The following CEP63 variants were observed in gnomAD, a reference collection of about 807,000 sequenced individuals.
The protein encoded by CEP63 is centrosomal protein 63.
In CEP63, 84 loss-of-function variants were observed where a neutral mutation model predicts 89.1. That is an observed-to-expected ratio of 0.94 (90% CI 0.79 to 1.13). The LOEUF is 1.13. Among genes scored for constraint, CEP63 ranks in the 50% most tolerant of loss-of-function variants. CEP63 has a pLI of 0.00. For missense variants in CEP63, 838 were observed against 813.3 expected, an observed-to-expected ratio of 1.03 and a Z score of -0.37; for synonymous variants, 267 against 272.5, an observed-to-expected ratio of 0.98 and a Z score of 0.20.
the CEP63 span, chr3:134,603,687 C>G: frequency 6.2e-7 from 1 of 1,613,928 alleles, no homozygotes; most frequent in South Asian, 1.1e-5. Flanking sequence ...TGCAGCTTCC[C>G]TCCCAGTAGC....
At chr3:134,696,446 C>A in the CEP63 span, among the ~76,000 whole-genome samples, 1 of 152,222 alleles carries the variant, frequency 6.6e-6, no homozygotes, top group Non-Finnish European at 1.5e-5. Context: ...TACTTCTGGA[C>A]AAGACCAAGC....
chr3:134,525,563 C>T (rs1948467782), intron 3 of CEP63, among the ~76,000 whole-genome samples: 1 of 152,134 alleles, frequency 6.6e-6, no homozygotes, highest in African/African-American at 2.4e-5. Flanking sequence ...TTGATTCTCT[C>T]ATGATGATGT....
the CEP63 span, among the ~76,000 whole-genome samples, chr3:134,635,551 A>T: frequency 6.6e-6 from 1 of 150,550 alleles, no homozygotes; most frequent in East Asian, 2.0e-4. Flanking sequence ...CTTAAGAGTG[A>T]TGGGAGGATT....
Position 134,564,411 on chromosome 3 carries a change from A to G in CEP63, c.*2876A>G, listed in dbSNP as rs1957616033. The G allele has an allele frequency of 1.0e-6, 1 of 985,310 alleles. No individual in the cohort carries two copies. Among genetic ancestry groups the G allele is most frequent in the South Asian group, 4.7e-5 (1 of 21,276 alleles). 61.0% of individuals were successfully genotyped at this position (985,310 alleles called of 1,614,324 possible). On this transcript the variant is annotated 3_prime_UTR_variant, in exon 15 of 15. Transcript: ENST00000675561. ...AAAGCTTTCCCATATCCCCTGACCC[A>G]TGTCAGGGAACGTTTCTCCTCATTG...
the CEP63 span, among the ~76,000 whole-genome samples, chr3:134,609,511 C>T: frequency 1.3e-5 from 2 of 152,124 alleles, no homozygotes; most frequent in East Asian, 1.9e-4. Context: ...GTGCAAAAAT[C>T]GAGAGAGCAC....
chr3:134,659,320 A>G, the CEP63 span, among the ~76,000 whole-genome samples: 1 of 152,188 alleles, frequency 6.6e-6, no homozygotes, highest in African/African-American at 2.4e-5. Context: ...TGACGTAAAC[A>G]AGGTGTCCTC....
chr3:134,664,370 G>T, the CEP63 span, among the ~76,000 whole-genome samples: 1 of 152,210 alleles, frequency 6.6e-6, no homozygotes, highest in Admixed American at 6.5e-5. Flanking sequence ...CAGGCACACA[G>T]TAGTGACTGC....
chr3:134,587,837 A>AG (rs1491367888), downstream of CEP63, among the ~76,000 whole-genome samples: 5 of 131,892 alleles, frequency 3.8e-5, no homozygotes, highest in African/African-American at 1.6e-4. Flanking sequence ...ACCCCCCTAT[A>AG]AAAAAAAAAA....
chr3:134,560,745 G>A (rs926410270), intron 14 of CEP63, among the ~76,000 whole-genome samples: 1 of 152,174 alleles, frequency 6.6e-6, no homozygotes. Context: ...GTATGTGTGT[G>A]TGTGTGTATT....
chr3:134,671,728 A>T, the CEP63 span, among the ~76,000 whole-genome samples: 2 of 152,304 alleles, frequency 1.3e-5, no homozygotes, highest in East Asian at 3.9e-4. Flanking sequence ...CAGTGAACAA[A>T]TGCTTTCTAC....
At chr3:134,642,054 G>A in the CEP63 span, among the ~76,000 whole-genome samples, 1 of 152,150 alleles carries the variant, frequency 6.6e-6, no homozygotes, top group African/African-American at 2.4e-5. Flanking sequence ...GCCCACAGAG[G>A]TCTCTAAGGC....
At chr3:134,663,999 G>A in the CEP63 span, among the ~76,000 whole-genome samples, 2 of 152,198 alleles carry the variant, frequency 1.3e-5, no homozygotes, top group Admixed American at 1.3e-4. Context: ...TCTAGGCCTA[G>A]CTGCTGCTGG....
intron 1 of CEP63, among the ~76,000 whole-genome samples, chr3:134,489,878 T>C (rs773686135): frequency 3.4e-4 from 52 of 152,228 alleles, no homozygotes; most frequent in Non-Finnish European, 8.8e-5. Context: ...TTTAAACTGT[T>C]TCAACATATG....
At chr3:134,546,006 A>G (rs1577267601) in intron 7 of CEP63, 143 bp from the exon 8 acceptor site, 1 of 908,536 alleles carries the variant, frequency 1.1e-6, no homozygotes, top group East Asian at 2.6e-5. Context: ...TAATATTGTT[A>G]CGTAACTTAT....
chr3:134,526,384 C>T (rs1948643113), intron 3 of CEP63, among the ~76,000 whole-genome samples: 1 of 152,042 alleles, frequency 6.6e-6, no homozygotes, highest in African/African-American at 2.4e-5. Context: ...CCTGCTTGGT[C>T]TGTTTTGCTA....
intron 1 of CEP63, among the ~76,000 whole-genome samples, chr3:134,489,117 C>T (rs899317163): frequency 2.2e-4 from 33 of 148,926 alleles, no homozygotes; most frequent in African/African-American, 6.5e-4. Context: ...GCCGAGATCA[C>T]GCCACTGCAC....
intron 1 of CEP63, among the ~76,000 whole-genome samples, chr3:134,490,855 T>TG (rs1937378172): frequency 6.6e-6 from 1 of 152,208 alleles, no homozygotes; most frequent in Non-Finnish European, 1.5e-5. Context: ...TTTTCCATCT[T>TG]GGGTTTTTCA....
chr3:134,487,761 A>G (rs1185944543), intron 1 of CEP63, among the ~76,000 whole-genome samples: 2 of 152,272 alleles, frequency 1.3e-5, no homozygotes, highest in Non-Finnish European at 1.5e-5. Context: ...TAATGTCAAT[A>G]TCCAGTCAGA....
At chr3:134,595,589 G>A in the CEP63 span, among the ~76,000 whole-genome samples, 2 of 151,992 alleles carry the variant, frequency 1.3e-5, no homozygotes, top group African/African-American at 2.4e-5. Context: ...ACCCAGTTGT[G>A]GCCTCAGAAT....
Sources: gnomAD v4.1 joint callset for allele counts (sites outside exome capture counted in the v4.1 genomes callset) on GRCh38, gnomAD v4.1.1 for gene constraint, MANE v1.5 for transcripts, NCBI Gene and HGNC (gene_info 2026-07-23, HGNC 2026-07-21) for gene names.